GRHL2: variants seen among roughly 807,000 people sequenced by gnomAD.
The protein encoded by GRHL2 is grainyhead-like protein 2 homolog.
In GRHL2, 21 loss-of-function variants were observed where a neutral mutation model predicts 83.8. That is an observed-to-expected ratio of 0.25 (90% CI 0.18 to 0.36). The LOEUF (loss-of-function observed/expected upper bound fraction) is 0.36. Ranked by LOEUF, GRHL2 falls within the 10% of genes least tolerant of loss-of-function variation. The pLI is 1.00. For synonymous variants in GRHL2, 280 were observed against 278.9 expected, an observed-to-expected ratio of 1.00 and a Z score of -0.04; for missense variants, 623 against 781.8, an observed-to-expected ratio of 0.80 and a Z score of 2.42.
intron 2 of GRHL2, among the ~76,000 whole-genome samples, chr8:101,549,039 T>C (rs1228467274): frequency 4.6e-5 from 7 of 151,568 alleles, no homozygotes; most frequent in African/African-American, 1.7e-4. Flanking sequence ...CATAACCATG[T>C]ACAAGGTAGG....
At chr8:101,550,190 T>TAAAA (rs1491102985) in intron 2 of GRHL2, among the ~76,000 whole-genome samples, 1 of 149,902 alleles carries the variant, frequency 6.7e-6, no homozygotes, top group Admixed American at 6.6e-5. Flanking sequence ...TTTTTTTTTT[T>TAAAA]AAAAAAATTA....
intron 1 of GRHL2, among the ~76,000 whole-genome samples, chr8:101,494,426 T>C (rs868290093): frequency 1.3e-5 from 2 of 152,086 alleles, no homozygotes; most frequent in Non-Finnish European, 2.9e-5. Flanking sequence ...AGAACTAGCG[T>C]TACCAACACG....
downstream of GRHL2, among the ~76,000 whole-genome samples, chr8:101,674,435 C>T (rs201563108): frequency 4.9e-4 from 74 of 152,182 alleles, no homozygotes; most frequent in Admixed American, 1.8e-3. Context: ...AACACCTCTA[C>T]GCAAATAAAC....
intron 12 of GRHL2, 63 bp from the exon 13 acceptor site, chr8:101,644,068 A>G (rs1813458306): frequency 1.5e-6 from 2 of 1,364,222 alleles, no homozygotes; most frequent in East Asian, 2.3e-5. Context: ...ACGGACACAC[A>G]TGTGAACGTG....
the GRHL2 span, among the ~76,000 whole-genome samples, chr8:101,678,843 A>G: frequency 6.7e-6 from 1 of 149,402 alleles, no homozygotes; most frequent in Non-Finnish European, 1.5e-5. Context: ...AGGGTATTCC[A>G]ACAGACCTGC....
intron 1 of GRHL2, among the ~76,000 whole-genome samples, chr8:101,526,369 A>G (rs6988406): frequency 0.041 from 6,306 of 152,204 alleles, 454 homozygotes; most frequent in African/African-American, 0.14. Flanking sequence ...TGGCATTTGG[A>G]ATTATTGGTT....
intron 1 of GRHL2, among the ~76,000 whole-genome samples, chr8:101,513,576 C>T (rs895566418): frequency 2.1e-5 from 3 of 140,950 alleles, no homozygotes; most frequent in Admixed American, 7.7e-5. Context: ...CTCACTGCAA[C>T]CTCCACCTCC....
At chr8:101,504,700 T>G (rs1586398764) in intron 1 of GRHL2, among the ~76,000 whole-genome samples, 1 of 151,942 alleles carries the variant, frequency 6.6e-6, no homozygotes, top group African/African-American at 2.4e-5. Context: ...GACTTGCTTC[T>G]CCCTGGAGGG....
At chr8:101,495,467 T>G (rs1194485666) in intron 1 of GRHL2, among the ~76,000 whole-genome samples, 1 of 152,264 alleles carries the variant, frequency 6.6e-6, no homozygotes, top group African/African-American at 2.4e-5. Context: ...TTTGTCTTTG[T>G]ACATATTTTA....
intron 8 of GRHL2, among the ~76,000 whole-genome samples, chr8:101,606,938 G>T (rs1483770140): frequency 2.0e-5 from 3 of 152,316 alleles, no homozygotes; most frequent in South Asian, 2.1e-4. Flanking sequence ...TATGAAAAAG[G>T]AGTAAATTGG....
At chr8:101,607,126 G>A (rs548365331) in intron 8 of GRHL2, among the ~76,000 whole-genome samples, 62 of 152,092 alleles carry the variant, frequency 4.1e-4, no homozygotes, top group Admixed American at 1.3e-3. Context: ...TCTCTCTTCC[G>A]GTTCTTTTTG....
rs140972174 is a variant in GRHL2 at position 101,548,321 on chromosome 8, A to T, written c.217-4394A>T. ...GACAATCACAGTCCAGGACAAACACATTGCTATAAACCTATAACCATGGTT... is the reference window on the plus strand; with the variant it reads ...GACAATCACAGTCCAGGACAAACACTTTGCTATAAACCTATAACCATGGTT... On this transcript the variant is annotated intron_variant, in intron 2 of 15. Transcript: ENST00000646743. Among the ~76,000 whole-genome samples the T allele has an allele frequency of 7.3e-3, 1,118 of 152,348 alleles. 5 individuals carry two copies. The highest frequency in any genetic ancestry group is 0.025 in the African/African-American group (1,034 of 41,580).
intron 14 of GRHL2, among the ~76,000 whole-genome samples, chr8:101,656,923 G>A (rs1368812778): frequency 1.6e-5 from 2 of 128,268 alleles, no homozygotes; most frequent in East Asian, 4.9e-4. Flanking sequence ...GACCGTGAGT[G>A]CTATGAGGTG....
intron 15 of GRHL2, among the ~76,000 whole-genome samples, chr8:101,665,359 G>A (rs1219247246): frequency 3.3e-5 from 5 of 152,182 alleles, no homozygotes; most frequent in African/African-American, 1.2e-4. Flanking sequence ...ACAAAAGGCA[G>A]AAGATGAGTC....
At chr8:101,646,328 C>T (rs1813510405) in intron 13 of GRHL2, among the ~76,000 whole-genome samples, 2 of 152,208 alleles carry the variant, frequency 1.3e-5, no homozygotes, top group Non-Finnish European at 2.9e-5. Flanking sequence ...AGCCTTCATA[C>T]AGAGTGCTTG....
chr8:101,563,449 T>C (rs750245122), intron 4 of GRHL2, among the ~76,000 whole-genome samples: 2 of 152,094 alleles, frequency 1.3e-5, no homozygotes, highest in African/African-American at 4.8e-5. Context: ...GCAACTGTTG[T>C]ATACTAGGAC....
In GRHL2 at chr8:101,610,931, T is replaced by G. The variant is rs1217042130; in HGVS notation, c.1099-8608T>G. 2.7e-5 allele frequency among the ~76,000 whole-genome samples: 4 copies of G among 150,772 alleles called. 1 individual carries two copies. The highest frequency in any genetic ancestry group is 9.9e-5 in the African/African-American group (4 of 40,236). On this transcript the variant is annotated intron_variant, in intron 8 of 15. Coordinates refer to ENST00000646743, the MANE Select transcript of GRHL2 (RefSeq NM_024915.4). ...TAATGTTCTAAGGTACCATCTTAAGTCAGTACAAACTTTAGGCTCTTTCGA... is the reference window on the plus strand; with the variant it reads ...TAATGTTCTAAGGTACCATCTTAAGGCAGTACAAACTTTAGGCTCTTTCGA...
chr8:101,575,711 G>GA (rs940949867), intron 6 of GRHL2, among the ~76,000 whole-genome samples: 9 of 152,092 alleles, frequency 5.9e-5, no homozygotes, highest in African/African-American at 1.4e-4. Flanking sequence ...ACACTTGCCA[G>GA]AAAAAATATT....
intron 1 of GRHL2, among the ~76,000 whole-genome samples, chr8:101,502,426 C>A (rs1165335673): frequency 6.6e-6 from 1 of 152,086 alleles, no homozygotes; most frequent in Non-Finnish European, 1.5e-5. Flanking sequence ...ATTCAGATGG[C>A]AGACTTTTGG....
Sources: allele counts gnomAD v4.1 joint callset (sites outside exome capture counted in the v4.1 genomes callset), GRCh38; gene constraint gnomAD v4.1.1; transcripts MANE v1.5; gene names NCBI Gene and HGNC (gene_info 2026-07-23, HGNC 2026-07-21).